Variants in NTRK2 observed in about 807,000 individuals in gnomAD.
NTRK2 encodes BDNF/NT-3 growth factors receptor.
Under a neutral mutation model 94.5 loss-of-function variants are expected in NTRK2, and 13 were observed. The ratio of observed to expected loss-of-function variants is 0.14; its 90% CI spans 0.09 to 0.22. The LOEUF (loss-of-function observed/expected upper bound fraction) is 0.22. NTRK2 is among the 10% of genes least tolerant of loss of function. The pLI is 1.00. For synonymous variants in NTRK2, 372 were observed against 407.4 expected (o/e 0.91, Z 1.05); for missense variants, 639 against 1,071.2 (o/e 0.60, Z 5.63).
At chr9:84,723,946 C>T (rs994199867) in intron 7 of NTRK2, among the ~76,000 whole-genome samples, 3 of 152,220 alleles carry the variant, frequency 2.0e-5, no homozygotes, top group Non-Finnish European at 4.4e-5. Context: ...CCCTAGTGAG[C>T]TCTTTGTATC....
At chr9:84,860,136 G>T (rs897081988) in intron 12 of NTRK2, among the ~76,000 whole-genome samples, 2 of 152,158 alleles carry the variant, frequency 1.3e-5, no homozygotes, top group Admixed American at 6.5e-5. Context: ...CAAAATGTCT[G>T]TAAAAATTAT....
rs142782472 is a variant in NTRK2, at chr9:84,818,627, C to T, written c.1397-42413C>T. ...GCGCTAATTAGTTAACCCCAGAGCA[C>T]GTTTGCTTTGTCCGTTATAACTGAA... On this transcript the variant is annotated intron_variant, in intron 12 of 18. Transcript: ENST00000277120. 2.4e-3 allele frequency among the ~76,000 whole-genome samples: 366 copies of T among 152,316 alleles called. 4 individuals carry two copies. Among genetic ancestry groups the T allele is most frequent in the African/African-American group, 8.3e-3 (346 of 41,566 alleles).
intron 17 of NTRK2, among the ~76,000 whole-genome samples, chr9:84,967,880 A>G (rs1825736435): frequency 6.6e-6 from 1 of 152,218 alleles, no homozygotes. Flanking sequence ...AGTGATGTCC[A>G]ACCTCAGTAT....
intron 9 of NTRK2, among the ~76,000 whole-genome samples, chr9:84,733,190 G>C (rs2063013515): frequency 6.6e-6 from 1 of 152,178 alleles, no homozygotes; most frequent in African/African-American, 2.4e-5. Flanking sequence ...TTGGTGGGGT[G>C]GTGTCAGAGC....
At chr9:84,788,664 C>A (rs189269393) in intron 12 of NTRK2, among the ~76,000 whole-genome samples, 5 of 151,844 alleles carry the variant, frequency 3.3e-5, no homozygotes, top group Middle Eastern at 6.8e-3. Flanking sequence ...GTGGGAACAG[C>A]GTCCTGGATG....
intron 12 of NTRK2, among the ~76,000 whole-genome samples, chr9:84,780,143 G>A (rs943296264): frequency 7.3e-5 from 11 of 151,552 alleles, no homozygotes; most frequent in African/African-American, 2.7e-4. Flanking sequence ...CAGTACAAGG[G>A]AAGAAAAAAA....
chr9:84,916,881 T>C lies in NTRK2; in HGVS notation c.1634-17281T>C, dbSNP rs1053122870. On this transcript the variant is annotated intron_variant, in intron 14 of 18. Transcript: ENST00000277120. ...GAGATGGCAGTGATTTACGGTGACA[T>C]CTATTAAGCTTTTATAGAACATAAT... 7.2e-5 allele frequency among the ~76,000 whole-genome samples: 11 copies of C among 152,330 alleles called. No individual in the cohort carries two copies. In the East Asian group the frequency reaches 1.9e-3, roughly 27 times the overall value.
intron 12 of NTRK2, among the ~76,000 whole-genome samples, chr9:84,798,812 A>G (rs141050096): frequency 6.6e-6 from 1 of 151,876 alleles, no homozygotes; most frequent in East Asian, 1.9e-4. Flanking sequence ...AACATAAAGC[A>G]TTTGCCACTT....
At chr9:84,876,848 CT>C in intron 14 of NTRK2, 1 of 1,062,508 alleles carries the variant, frequency 9.4e-7, no homozygotes, top group Non-Finnish European at 1.1e-6. Context: ...TTTAGTCTGT[CT>C]TTTTCCCTTT....
At chr9:84,946,696 A>G (rs2078609446) in intron 15 of NTRK2, among the ~76,000 whole-genome samples, 1 of 152,190 alleles carries the variant, frequency 6.6e-6, no homozygotes, top group African/African-American at 2.4e-5. Context: ...GGTTACTGCA[A>G]ATTCACCAGC....
In NTRK2 at chr9:84,811,406, ATAAC is replaced by A. The variant is rs149348875; in HGVS notation, c.1397-49630_1397-49627del. Reference sequence around the variant, plus strand: ...TAAGTTAGGCATAGTCAATTTCAGAATAACTAAGAGTGGAATATATGCATATGGT... The same window carrying A: ...TAAGTTAGGCATAGTCAATTTCAGAATAAGAGTGGAATATATGCATATGGT... On this transcript the variant is annotated intron_variant, in intron 12 of 18. Transcript: ENST00000277120. 6,546 of 1,066,158 alleles carry A rather than the reference ATAAC, an allele frequency of 6.1e-3. 31 individuals carry two copies. The highest frequency in any genetic ancestry group is 6.8e-3 in the Non-Finnish European group (5,984 of 879,702). 66.0% of individuals were successfully genotyped at this position (1,066,158 alleles called of 1,614,324 possible). A position where few individuals can be genotyped will look rare whatever the true frequency, so the allele number is the denominator to read the frequency against.
chr9:84,891,971 G>C (rs1357852934), intron 14 of NTRK2, among the ~76,000 whole-genome samples: 1 of 152,036 alleles, frequency 6.6e-6, no homozygotes, highest in Non-Finnish European at 1.5e-5. Context: ...TATCAAGATG[G>C]ATATAGGCTA....
chr9:84,981,424 T>G (rs1441998805), intron 17 of NTRK2, among the ~76,000 whole-genome samples: 2 of 152,172 alleles, frequency 1.3e-5, no homozygotes. Flanking sequence ...TTTTGAAGTC[T>G]TGATTTTTTT....
intron 14 of NTRK2, among the ~76,000 whole-genome samples, chr9:84,904,372 T>C (rs1004393392): frequency 3.9e-5 from 6 of 152,234 alleles, no homozygotes; most frequent in African/African-American, 1.4e-4. Context: ...GCATGACTTT[T>C]AATTTATGGT....
rs58766198 is a variant in NTRK2, at chr9:84,959,843, G to A, written c.2172+4326G>A. On this transcript the variant is annotated intron_variant, in intron 17 of 18. Transcript: ENST00000277120. ...GGTCTCACTCTACTTGGTCATGCCT[G>A]TGCCGCATTGAGACCATTTAAATTT... 3.8e-4 allele frequency among the ~76,000 whole-genome samples: 58 copies of A among 152,314 alleles called. 1 individual carries two copies. In the East Asian group the frequency reaches 0.011, roughly 28 times the overall value.
intron 14 of NTRK2, among the ~76,000 whole-genome samples, chr9:84,887,120 T>A (rs888376477): frequency 6.6e-6 from 1 of 152,158 alleles, no homozygotes; most frequent in African/African-American, 2.4e-5. Context: ...GGGCGGAAAG[T>A]ATGTGGTTCA....
chr9:84,968,720 C>T (rs957325303), intron 17 of NTRK2, among the ~76,000 whole-genome samples: 5 of 152,204 alleles, frequency 3.3e-5, no homozygotes, highest in African/African-American at 1.2e-4. Flanking sequence ...AAGAAGTCGG[C>T]TCTGTCTGCT....
chr9:84,955,833 T>C (rs2132985017), intron 17 of NTRK2, among the ~76,000 whole-genome samples: 1 of 152,290 alleles, frequency 6.6e-6, no homozygotes, highest in East Asian at 1.9e-4. Flanking sequence ...TTGGATTGCA[T>C]CCCACCCTAA....
intron 16 of NTRK2, among the ~76,000 whole-genome samples, chr9:84,952,158 G>A (rs79193557): frequency 0.053 from 8,094 of 152,290 alleles, 298 homozygotes; most frequent in East Asian, 0.13. Flanking sequence ...TCATTCCTAC[G>A]TTACAGTTGG....
Sources: gnomAD v4.1 joint callset for allele counts (sites outside exome capture counted in the v4.1 genomes callset) on GRCh38, gnomAD v4.1.1 for gene constraint, MANE v1.5 for transcripts, NCBI Gene and HGNC (gene_info 2026-07-23, HGNC 2026-07-21) for gene names.